SCNN1B: variants seen among roughly 807,000 people sequenced by gnomAD.
SCNN1B encodes epithelial sodium channel subunit beta.
A neutral mutation model predicts 65.3 loss-of-function variants in SCNN1B; 46 were observed. The observed-to-expected ratio is 0.70, with a 90% CI of 0.56 to 0.90. The LOEUF (loss-of-function observed/expected upper bound fraction) is 0.90, where lower values mean the gene tolerates loss of function less well. Among genes scored for constraint, SCNN1B ranks in the 40% least tolerant of loss-of-function variants. The probability of loss-of-function intolerance (pLI) is 0.00; values close to 1 mark genes in which losing one functional copy is unlikely to be tolerated. For missense variants in SCNN1B, 751 were observed against 830.5 expected, an observed-to-expected ratio of 0.90 and a Z score of 1.18; for synonymous variants, 349 against 330.6, an observed-to-expected ratio of 1.06 and a Z score of -0.60.
chr16:23,373,799 G>A (rs944779402), intron 7 of SCNN1B, among the ~76,000 whole-genome samples: 1 of 152,156 alleles, frequency 6.6e-6, no homozygotes, highest in African/African-American at 2.4e-5. Context: ...GCCCATTATG[G>A]AGAACTCTAG....
intron 8 of SCNN1B, among the ~76,000 whole-genome samples, chr16:23,376,374 G>A (rs933263504): frequency 2.7e-5 from 4 of 149,230 alleles, no homozygotes; most frequent in African/African-American, 5.1e-5. Flanking sequence ...GTGTGTGTGT[G>A]CACGTGCATG....
intron 4 of SCNN1B, among the ~76,000 whole-genome samples, chr16:23,361,993 G>A (rs1012279100): frequency 1.3e-5 from 2 of 152,062 alleles, no homozygotes. Flanking sequence ...GATTACAGGA[G>A]AGAGCCAACA....
Position 23,367,898 on chromosome 16 carries a change from C to A in SCNN1B, c.819C>A (p.Tyr273Ter). The A allele has an allele frequency of 1.2e-6, 2 of 1,614,200 alleles. No individual in the cohort carries two copies. The highest frequency in any genetic ancestry group is 8.5e-7 in the Non-Finnish European group (1 of 1,179,996). ...TCTACCCTCACTATGGCAACTGTTA[C>A]ATCTTCAACTGGGGCATGACAGAGA... Reference protein sequence around the residue: ...SIFYPHYGNCYIFNWGMTEKA... With the variant: ...SIFYPHYGNC Residue 273 changes from tyrosine (Y) to a stop codon, truncating the protein, a stop_gained, in exon 5 of 13, where the codon TAC becomes TAA. Transcript: ENST00000343070. LOFTEE classifies it high-confidence loss of function.
Position 23,377,349 on chromosome 16 carries a change from C to T in SCNN1B, c.1367C>T (p.Thr456Ile). The T allele has an allele frequency of 1.2e-6, 2 of 1,614,206 alleles. No homozygotes were observed. Among genetic ancestry groups the T allele is most frequent in the Non-Finnish European group, 8.5e-7 (1 of 1,180,032 alleles). ...ESCNDTQYKM[T>I]ISMADWPSEA... ...TTCAGTGACACCCAGTACAAGATGA[C>T]CATCTCCATGGCTGACTGGCCTTCT... Residue 456 changes from threonine (T) to isoleucine (I), a missense_variant, in exon 10 of 13, where the codon ACC (threonine) becomes ATC (isoleucine). Thr to Ile is a moderately conservative substitution (Grantham distance 89). Transcript: ENST00000343070.
At chr16:23,303,372 G>A (rs1242853333) in intron 1 of SCNN1B, among the ~76,000 whole-genome samples, 1 of 152,082 alleles carries the variant, frequency 6.6e-6, no homozygotes, top group Non-Finnish European at 1.5e-5. Context: ...GGGTCTGAAA[G>A]CTCCCAGAGA....
At chr16:23,360,368 T>G (rs1476850541) in intron 4 of SCNN1B, among the ~76,000 whole-genome samples, 1 of 151,788 alleles carries the variant, frequency 6.6e-6, no homozygotes, top group East Asian at 1.9e-4. Context: ...AGACCCCCCA[T>G]CTCTACAAAA....
chr16:23,332,648 C>G (rs978105997), intron 1 of SCNN1B, among the ~76,000 whole-genome samples: 1 of 152,118 alleles, frequency 6.6e-6, no homozygotes, highest in African/African-American at 2.4e-5. Context: ...TTTTTTATCC[C>G]CTAGGCTCCC....
chr16:23,291,742 AT>A (rs10707900), intron 2 of SCNN1B, among the ~76,000 whole-genome samples: 34,630 of 131,424 alleles, frequency 0.26, 6,303 homozygotes, highest in African/African-American at 0.53. Flanking sequence ...CACGCAGCTA[AT>A]TTTTTTTTTT....
chr16:23,358,375 T>G (rs1435268898), intron 4 of SCNN1B: 1 of 152,172 alleles, frequency 6.6e-6, no homozygotes, highest in African/African-American at 2.4e-5. Context: ...GCTTGGGGTC[T>G]GGGGTTAGAC....
chr16:23,314,863 G>A (rs72652289), intron 1 of SCNN1B, among the ~76,000 whole-genome samples: 17 of 152,312 alleles, frequency 1.1e-4, no homozygotes, highest in Admixed American at 6.5e-4. Context: ...GGGCTGAGGG[G>A]ACCATGGACC....
At position 23,380,720 on chromosome 16, in the gene SCNN1B, C is replaced by A; in HGVS notation, c.1842C>A (p.Gly614=). Residue 614 remains glycine (G), a synonymous_variant, in exon 13 of 13, where the codon GGC becomes GGA. Coordinates refer to ENST00000343070, the MANE Select transcript of SCNN1B (RefSeq NM_000336.3). The surrounding 1 kb of genome is among the most constrained non-coding windows in gnomAD (Gnocchi z 5.4). The part of the protein sequence containing the change: ...YPSEQALPIP[G]TPPPNYDSLR... ...GTGAGCAGGCCCTGCCCATCCCAGG[C>A]ACCCCGCCCCCCAACTATGACTCCC... 2 of 1,612,318 alleles carry A rather than the reference C, an allele frequency of 1.2e-6. No individual in the cohort carries two copies. The highest frequency in any genetic ancestry group is 1.7e-6 in the Non-Finnish European group (2 of 1,179,578).
chr16:23,299,098 C>T (rs1231613099), upstream of SCNN1B, among the ~76,000 whole-genome samples: 3 of 140,340 alleles, frequency 2.1e-5, no homozygotes, highest in African/African-American at 5.3e-5. Context: ...CTCACTCTGT[C>T]ACCCAGGCTA....
intron 4 of SCNN1B, among the ~76,000 whole-genome samples, chr16:23,366,804 A>G (rs987556631): frequency 5.9e-5 from 9 of 152,240 alleles, no homozygotes; most frequent in Non-Finnish European, 8.8e-5. Context: ...AATTACAGGC[A>G]TAAGCCACCG....
intron 5 of SCNN1B, among the ~76,000 whole-genome samples, chr16:23,369,352 G>A (rs1351802604): frequency 6.6e-6 from 1 of 152,148 alleles, no homozygotes; most frequent in African/African-American, 2.4e-5. Context: ...TCAAAGTACT[G>A]GGATTACAGA....
intron 1 of SCNN1B, among the ~76,000 whole-genome samples, chr16:23,278,712 C>T (rs1283796377): frequency 6.7e-6 from 1 of 150,316 alleles, no homozygotes; most frequent in African/African-American, 2.4e-5. Context: ...AATTTTATTG[C>T]TTGAGGCCAG....
rs778848093 is a variant in SCNN1B, at chr16:23,367,924, A to G, written c.845A>G (p.Lys282Arg). ...CYIFNWGMTEKALPSANPGTE... is the reference protein window; with the variant it reads ...CYIFNWGMTERALPSANPGTE... ...ATCTTCAACTGGGGCATGACAGAGA[A>G]GGCACTTCCTTCGGCCAACCCTGGA... is the stretch of plus-strand genomic sequence containing the variant. The change falls in exon 5 of 13, where the codon AAG becomes AGG. Residue 282 changes from lysine (K) to arginine (R), a missense_variant. Lys to Arg is a conservative substitution (Grantham distance 26, BLOSUM62 2). Coordinates refer to ENST00000343070, the MANE Select transcript of SCNN1B (RefSeq NM_000336.3). The G allele has an allele frequency of 1.2e-6, 2 of 1,614,242 alleles. No homozygotes were observed. The highest frequency in any genetic ancestry group is 2.2e-5 in the South Asian group (2 of 91,088).
At chr16:23,290,326 GA>G (rs889067229) in intron 2 of SCNN1B, among the ~76,000 whole-genome samples, 30 of 152,182 alleles carry the variant, frequency 2.0e-4, no homozygotes, top group African/African-American at 7.0e-4. Flanking sequence ...GTTTCTTTTG[GA>G]GTCAGGGTTT....
chr16:23,377,035 A>G lies in SCNN1B; in HGVS notation c.1271-130A>G, dbSNP rs955190304. On this transcript the variant is annotated intron_variant, in intron 8 of 12. Transcript: ENST00000343070. The stretch of plus-strand genomic sequence containing the variant: ...GCTGGGTGGGGAGCGGTGATTTTTC[A>G]TGACACCTCCTCCTGCCACCTAACC... 25 of 838,566 alleles carry G rather than the reference A, an allele frequency of 3.0e-5. 1 individual carries two copies. Among genetic ancestry groups the G allele is most frequent in the Non-Finnish European group, 5.0e-5 (25 of 504,936 alleles). The allele number at this position is 838,566 out of a possible 1,614,324, so 51.9% of individuals were successfully genotyped here.
chr16:23,301,425 G>GAAAGAA (rs1555482925), upstream of SCNN1B, among the ~76,000 whole-genome samples: 366 of 149,232 alleles, frequency 2.5e-3, 1 homozygote, highest in African/African-American at 9.1e-3. Flanking sequence ...GAGAGAGAGA[G>GAAAGAA]AGAGAAAGAA....
Sources: allele counts gnomAD v4.1 joint callset (sites outside exome capture counted in the v4.1 genomes callset), GRCh38; gene constraint gnomAD v4.1.1; non-coding constraint Gnocchi (gnomAD v3.1); transcripts MANE v1.5; gene names NCBI Gene and HGNC (gene_info 2026-07-23, HGNC 2026-07-21).